The following IQGAP2 variants were observed in gnomAD, a reference collection of about 807,000 sequenced individuals.
IQGAP2 encodes ras GTPase-activating-like protein IQGAP2.
In IQGAP2, 173 loss-of-function variants were observed where a neutral mutation model predicts 201.3. The ratio of observed to expected loss-of-function variants is 0.86; its 90% CI spans 0.76 to 0.98. The LOEUF (loss-of-function observed/expected upper bound fraction) is 0.98. Ranked by LOEUF, IQGAP2 falls within the 50% of genes least tolerant of loss-of-function variation. IQGAP2 has a pLI of 0.00. For synonymous variants in IQGAP2, 675 were observed against 673.9 expected (o/e 1.00, Z -0.03); for missense variants, 1,687 against 1,864.8 (o/e 0.90, Z 1.76).
chr5:76,666,228 G>C (rs1743745090), intron 22 of IQGAP2, among the ~76,000 whole-genome samples: 1 of 152,194 alleles, frequency 6.6e-6, no homozygotes, highest in Non-Finnish European at 1.5e-5. Context: ...AGAAGGAAAA[G>C]GTTAACAGTA....
intron 2 of IQGAP2, among the ~76,000 whole-genome samples, chr5:76,498,945 G>A (rs139880006): frequency 1.3e-5 from 2 of 152,290 alleles, no homozygotes; most frequent in African/African-American, 4.8e-5. Context: ...GGCTTTGCCC[G>A]CAAGAGGATG....
chr5:76,575,838 AAAAGAG>A, intron 5 of IQGAP2, 69 bp downstream of exon 5: 3 of 890,592 alleles, frequency 3.4e-6, no homozygotes, highest in Non-Finnish European at 5.1e-6. Context: ...TTTCAATTTT[AAAAGAG>A]GTTTTAAGTT....
intron 2 of IQGAP2, among the ~76,000 whole-genome samples, chr5:76,492,642 T>G (rs1233719578): frequency 6.6e-6 from 1 of 151,616 alleles, no homozygotes; most frequent in Non-Finnish European, 1.5e-5. Flanking sequence ...TACAGAAGAG[T>G]GTGTGAAGGT....
chr5:76,481,062 T>A (rs1755756015), intron 2 of IQGAP2, among the ~76,000 whole-genome samples: 1 of 152,144 alleles, frequency 6.6e-6, no homozygotes, highest in South Asian at 2.1e-4. Flanking sequence ...ACTAATCCCA[T>A]TCATGAGAGC....
chr5:76,656,456 C>G (rs912397190), intron 20 of IQGAP2, among the ~76,000 whole-genome samples: 2 of 151,726 alleles, frequency 1.3e-5, no homozygotes, highest in East Asian at 3.9e-4. Context: ...GCTGGGATTA[C>G]AGGCATGAGC....
chr5:76,617,584 A>G (rs542832114), intron 13 of IQGAP2: 4 of 1,604,134 alleles, frequency 2.5e-6, no homozygotes, highest in Non-Finnish European at 3.4e-6. Context: ...TCATTTCACT[A>G]TTTTGTAAGG....
chr5:76,521,031 G>A (rs1179302647), intron 2 of IQGAP2, among the ~76,000 whole-genome samples: 1 of 152,118 alleles, frequency 6.6e-6, no homozygotes, highest in Non-Finnish European at 1.5e-5. Context: ...TATCTAGATT[G>A]TCTCTGACTT....
rs1554061521 is a variant in IQGAP2, at chr5:76,496,702, C to CTT, written c.146+35034_146+35035insTT. Among the ~76,000 whole-genome samples the CTT allele has an allele frequency of 1.1e-3, 93 of 81,110 alleles. 2 individuals are homozygous for CTT. Among genetic ancestry groups the CTT allele is most frequent in the Non-Finnish European group, 1.3e-3 (52 of 40,852 alleles). The allele number at this position is 81,110 out of a possible 152,430, so 53.2% of individuals were successfully genotyped here. On this transcript the variant is annotated intron_variant, in intron 2 of 35. Coordinates refer to ENST00000274364, the MANE Select transcript of IQGAP2 (RefSeq NM_006633.5). ...ACCAAATATTTTTCTTTCTTTCTGT[C>CTT]TCTTTCTTTCTTTCTTTCTTTCTTT...
chr5:76,583,355 A>ACCTC (rs964587066), intron 5 of IQGAP2, among the ~76,000 whole-genome samples: 3 of 152,048 alleles, frequency 2.0e-5, no homozygotes, highest in African/African-American at 7.2e-5. Flanking sequence ...GCTGGGAAGC[A>ACCTC]CCTCCCACAC....
chr5:76,677,149 A>G (rs999471058), intron 27 of IQGAP2, 69 bp from the exon 28 acceptor site: 10 of 1,435,850 alleles, frequency 7.0e-6, no homozygotes, highest in Non-Finnish European at 9.6e-6. Flanking sequence ...AAAATTTCCT[A>G]GCTATTTTGA....
intron 2 of IQGAP2, among the ~76,000 whole-genome samples, chr5:76,505,564 A>G (rs1757567340): frequency 6.6e-6 from 1 of 152,242 alleles, no homozygotes; most frequent in African/African-American, 2.4e-5. Context: ...TCTTTAAGAA[A>G]AAAAAAATCC....
chr5:76,442,803 T>A (rs1405370966), intron 1 of IQGAP2, among the ~76,000 whole-genome samples: 1 of 152,100 alleles, frequency 6.6e-6, no homozygotes, highest in African/African-American at 2.4e-5. Flanking sequence ...CTGGCCAACA[T>A]GGTGAAACCC....
At chr5:76,509,922 G>A (rs992029494) in intron 2 of IQGAP2, among the ~76,000 whole-genome samples, 1 of 151,510 alleles carries the variant, frequency 6.6e-6, no homozygotes, top group African/African-American at 2.4e-5. Flanking sequence ...TTAAAATTAT[G>A]GGAAACAATA....
chr5:76,541,059 A>G (rs999831142), intron 2 of IQGAP2, among the ~76,000 whole-genome samples: 2 of 152,192 alleles, frequency 1.3e-5, no homozygotes, highest in African/African-American at 4.8e-5. Flanking sequence ...CATTCTAACC[A>G]TTTTTAAATG....
intron 30 of IQGAP2, among the ~76,000 whole-genome samples, chr5:76,689,115 C>T (rs1191821574): frequency 6.6e-6 from 1 of 150,722 alleles, no homozygotes; most frequent in South Asian, 2.1e-4. Context: ...ACAAAGGGCA[C>T]ATATCGGAGT....
intron 8 of IQGAP2, 122 bp downstream of exon 8, chr5:76,590,708 C>A: frequency 4.1e-6 from 3 of 725,692 alleles, no homozygotes; most frequent in South Asian, 4.0e-5. Context: ...TAGCCGTAGA[C>A]AATTGATTTG....
intron 2 of IQGAP2, among the ~76,000 whole-genome samples, chr5:76,492,445 A>G (rs1756612692): frequency 6.6e-6 from 1 of 152,204 alleles, no homozygotes. Flanking sequence ...AGCTGGGGTG[A>G]AGGAACGAGG....
chr5:76,648,441 G>A (rs868283820), intron 17 of IQGAP2, among the ~76,000 whole-genome samples: 2 of 152,072 alleles, frequency 1.3e-5, no homozygotes, highest in South Asian at 2.1e-4. Context: ...CCAAACTACC[G>A]ACATTACCTA....
chr5:76,674,010 G>A lies in IQGAP2; in HGVS notation c.3268G>A (p.Asp1090Asn), dbSNP rs760813383. The A allele has an allele frequency of 4.8e-5, 77 of 1,607,296 alleles. No homozygotes were observed. The highest frequency in any genetic ancestry group is 1.7e-4 in the African/African-American group (13 of 74,750). ...GAATTCGATCCATGAGAAATTCCCCGATGCAACAGAAGATGAGCTATTAAA... is the reference window on the plus strand; with the variant it reads ...GAATTCGATCCATGAGAAATTCCCCAATGCAACAGAAGATGAGCTATTAAA... ...LKNSIHEKFPDATEDELLKIV... is the reference protein window; with the variant it reads ...LKNSIHEKFPNATEDELLKIV... Residue 1090 changes from aspartate to asparagine, a missense_variant, in exon 26 of 36, where the codon GAT becomes AAT. Transcript: ENST00000274364.
Sources: gnomAD v4.1 joint callset for allele counts (sites outside exome capture counted in the v4.1 genomes callset) on GRCh38, gnomAD v4.1.1 for gene constraint, MANE v1.5 for transcripts, NCBI Gene and HGNC (gene_info 2026-07-23, HGNC 2026-07-21) for gene names.